Variants in SWT1 observed in about 807,000 individuals in gnomAD.
SWT1 encodes SWT1 RNA endoribonuclease homolog.
A neutral mutation model predicts 107.3 loss-of-function variants in SWT1; 33 were observed. The observed-to-expected ratio is 0.31, with a 90% confidence interval of 0.23 to 0.41. The LOEUF is 0.41. Ranked by LOEUF, SWT1 falls within the 10% of genes least tolerant of loss-of-function variation. The pLI is 1.00. For missense variants in SWT1, 898 were observed against 1,028.9 expected, an observed-to-expected ratio of 0.87 and a Z score of 1.74; for synonymous variants, 345 against 348.3, an observed-to-expected ratio of 0.99 and a Z score of 0.11.
intron 4 of SWT1, among the ~76,000 whole-genome samples, chr1:185,172,223 T>G (rs2102335537): frequency 6.6e-6 from 1 of 152,376 alleles, no homozygotes; most frequent in South Asian, 2.1e-4. Context: ...CTACTTTTAT[T>G]AAGCAGGAAA....
chr1:185,184,046 T>G (rs1426140103), intron 7 of SWT1, among the ~76,000 whole-genome samples, 197 bp from the exon 8 acceptor site: 5 of 152,196 alleles, frequency 3.3e-5, no homozygotes, highest in Admixed American at 6.5e-5. Context: ...GGGAGAAATT[T>G]ACTTGGCAAC....
intron 16 of SWT1, among the ~76,000 whole-genome samples, chr1:185,243,018 A>G (rs1661351823): frequency 6.6e-6 from 1 of 152,194 alleles, no homozygotes; most frequent in Non-Finnish European, 1.5e-5. Flanking sequence ...ATAAAGCCAG[A>G]TGATCAGTTC....
chr1:185,215,630 C>T lies in SWT1; in HGVS notation c.2121+975C>T, dbSNP rs555019881. ...CAGGGCTCACTGCAACCTCCACCTA[C>T]TGGGCTTAAGTGATTCTTCCACGTC... On this transcript the variant is annotated intron_variant, in intron 14 of 18. Coordinates refer to ENST00000367500, the MANE Select transcript of SWT1 (RefSeq NM_017673.7). Among the ~76,000 whole-genome samples, 7 of 152,280 alleles carry T rather than the reference C, an allele frequency of 4.6e-5. No homozygotes were observed. The East Asian group carries it at 1.4e-3, about 29-fold the overall frequency.
At chr1:185,255,186 A>T (rs937783982) in intron 16 of SWT1, among the ~76,000 whole-genome samples, 4 of 151,826 alleles carry the variant, frequency 2.6e-5, no homozygotes, top group African/African-American at 9.7e-5. Flanking sequence ...TGTTGAGGAG[A>T]GCTTTACTTC....
chr1:185,195,833 T>C (rs1283713029), intron 10 of SWT1, among the ~76,000 whole-genome samples: 2 of 152,378 alleles, frequency 1.3e-5, no homozygotes, highest in Non-Finnish European at 2.9e-5. Flanking sequence ...TGCCCACTTT[T>C]TGATGGAGTT....
chr1:185,209,436 C>CA (rs1311933452), intron 13 of SWT1, among the ~76,000 whole-genome samples: 3 of 152,116 alleles, frequency 2.0e-5, no homozygotes, highest in African/African-American at 7.2e-5. Flanking sequence ...CATGTGTTCT[C>CA]ATTGTTCAGC....
At position 185,221,915 on chromosome 1, in the gene SWT1, T is replaced by C. The variant is rs753331377; in HGVS notation, c.2188T>C (p.Leu730=). 14 of 1,612,198 alleles carry C rather than the reference T, an allele frequency of 8.7e-6. No homozygotes were observed. The highest frequency in any genetic ancestry group is 4.0e-5 in the African/African-American group (3 of 74,842). Residue 730 remains leucine (L), a synonymous_variant, in exon 15 of 19, where the codon TTG becomes CTG. Coordinates refer to ENST00000367500, the MANE Select transcript of SWT1 (RefSeq NM_017673.7). The part of the protein sequence containing the change: ...TVTKKQEGTS[L]KNSHNQEITV... ...GACTAAAAAGCAGGAAGGTACTTCA[T>C]TGAAGAATTCTCATAATCAAGAAAT...
At chr1:185,238,474 C>T (rs948095039) in intron 16 of SWT1, among the ~76,000 whole-genome samples, 7 of 152,122 alleles carry the variant, frequency 4.6e-5, no homozygotes, top group Non-Finnish European at 8.8e-5. Context: ...GGTTTTATCC[C>T]AGACTAACTT....
rs377412231 is a variant in SWT1, at chr1:185,250,213, G to A, written c.2441+18505G>A. ...TGTGATCATAGCTCACTGCAGCCTC[G>A]AACTCTTAGGCTGAAGTGATCTTCT... On this transcript the variant is annotated intron_variant, in intron 16 of 18. Transcript: ENST00000367500. Among the ~76,000 whole-genome samples the A allele has an allele frequency of 2.0e-5, 3 of 152,020 alleles. No individual in the cohort carries two copies. In the East Asian group the frequency reaches 5.8e-4, roughly 29 times the overall value.
At chr1:185,206,915 G>A (rs1413999885) in intron 13 of SWT1, 152 bp downstream of exon 13, 13 of 560,676 alleles carry the variant, frequency 2.3e-5, no homozygotes, top group Non-Finnish European at 3.2e-5. Flanking sequence ...TGTGGAAACT[G>A]GATGAACAGA....
intron 18 of SWT1, among the ~76,000 whole-genome samples, chr1:185,277,635 G>C (rs192033281): frequency 6.6e-6 from 1 of 152,134 alleles, no homozygotes. Context: ...CTTTGACCTC[G>C]CATACCCTCT....
At chr1:185,265,920 C>T (rs1663339059) in intron 16 of SWT1, among the ~76,000 whole-genome samples, 1 of 152,032 alleles carries the variant, frequency 6.6e-6, no homozygotes, top group East Asian at 1.9e-4. Context: ...TTTTCACACT[C>T]TCTACAACTG....
intron 2 of SWT1, among the ~76,000 whole-genome samples, chr1:185,162,603 G>A (rs1424304999): frequency 6.6e-6 from 1 of 151,932 alleles, no homozygotes; most frequent in African/African-American, 2.4e-5. Flanking sequence ...CCTTGTGATC[G>A]TGCTCTACCT....
intron 14 of SWT1, among the ~76,000 whole-genome samples, chr1:185,220,863 T>C (rs927608493): frequency 7.2e-5 from 11 of 152,234 alleles, no homozygotes; most frequent in African/African-American, 2.4e-4. Context: ...CATAAGTTAA[T>C]GTGATCTTTA....
intron 18 of SWT1, among the ~76,000 whole-genome samples, chr1:185,278,516 C>A (rs866978047): frequency 1.3e-5 from 2 of 152,308 alleles, no homozygotes; most frequent in Middle Eastern, 3.4e-3. Flanking sequence ...ATTCTAGGCC[C>A]AGGCAAATTC....
At chr1:185,164,709 A>G (rs1179679167) in intron 2 of SWT1, among the ~76,000 whole-genome samples, 1 of 152,210 alleles carries the variant, frequency 6.6e-6, no homozygotes. Flanking sequence ...CATAGAATTG[A>G]AGAGAGTTAG....
chr1:185,275,117 A>G (rs892222838), intron 17 of SWT1, among the ~76,000 whole-genome samples: 5 of 152,182 alleles, frequency 3.3e-5, no homozygotes, highest in African/African-American at 9.6e-5. Flanking sequence ...TTTTATATTC[A>G]TATTTAACAG....
intron 2 of SWT1, among the ~76,000 whole-genome samples, chr1:185,161,334 G>A (rs1287696824): frequency 3.3e-5 from 5 of 152,140 alleles, no homozygotes; most frequent in African/African-American, 9.7e-5. Context: ...AGAATGGCCA[G>A]CGCTATGTGG....
intron 16 of SWT1, chr1:185,257,919 A>T (rs1662731478): frequency 6.6e-6 from 1 of 152,126 alleles, no homozygotes; most frequent in African/African-American, 2.4e-5. Context: ...TTTTAAGTCC[A>T]GTCAAGTGAA....
Sources: gnomAD v4.1 joint callset for allele counts (sites outside exome capture counted in the v4.1 genomes callset) on GRCh38, gnomAD v4.1.1 for gene constraint, MANE v1.5 for transcripts, NCBI Gene and HGNC (gene_info 2026-07-23, HGNC 2026-07-21) for gene names.